The following BICC1 variants were observed in gnomAD, a reference collection of about 807,000 sequenced individuals.
The protein encoded by BICC1 is BicC family RNA binding protein 1.
BICC1 carries 43 observed loss-of-function variants against 111.0 expected under a neutral mutation model. The observed-to-expected ratio is 0.39, with a 90% CI of 0.30 to 0.50. The LOEUF is 0.50. Ranked by LOEUF, BICC1 falls within the 20% of genes least tolerant of loss-of-function variation. The pLI, the probability that BICC1 is intolerant of heterozygous loss-of-function variation, is 0.88. For synonymous variants in BICC1, 467 were observed against 434.4 expected (o/e 1.07, Z -0.93); for missense variants, 1,091 against 1,203.2 (o/e 0.91, Z 1.38).
chr10:58,727,857 C>T (rs886323414), intron 3 of BICC1, among the ~76,000 whole-genome samples: 1 of 152,138 alleles, frequency 6.6e-6, no homozygotes, highest in African/African-American at 2.4e-5. Flanking sequence ...GAGTCACACA[C>T]ATTTTTAGTT....
chr10:58,800,550 G>A (rs559686753), intron 13 of BICC1, among the ~76,000 whole-genome samples: 2 of 152,274 alleles, frequency 1.3e-5, no homozygotes, highest in Admixed American at 1.3e-4. Context: ...CCATTACATT[G>A]TAAGTTCCTG....
At chr10:58,557,432 C>T (rs192924279) in intron 1 of BICC1, among the ~76,000 whole-genome samples, 1 of 151,128 alleles carries the variant, frequency 6.6e-6, no homozygotes, top group Non-Finnish European at 1.5e-5. Flanking sequence ...ATAATTTTAA[C>T]CATTATTTAT....
intron 1 of BICC1, among the ~76,000 whole-genome samples, chr10:58,571,200 C>T (rs1843938749): frequency 6.6e-6 from 1 of 152,160 alleles, no homozygotes; most frequent in Admixed American, 6.5e-5. Flanking sequence ...CAGGGACTTG[C>T]ATAATTTTAT....
chr10:58,637,844 C>T (rs995375201), intron 2 of BICC1, among the ~76,000 whole-genome samples: 1 of 151,988 alleles, frequency 6.6e-6, no homozygotes, highest in Admixed American at 6.6e-5. Context: ...TTGGGACAGG[C>T]ATGGTGGACC....
intron 1 of BICC1, among the ~76,000 whole-genome samples, chr10:58,620,347 TTC>T (rs1280462018): frequency 1.3e-5 from 2 of 152,254 alleles, no homozygotes; most frequent in African/African-American, 4.8e-5. Context: ...ATGTTTTTTT[TTC>T]TCTCTTTGTA....
intron 1 of BICC1, among the ~76,000 whole-genome samples, chr10:58,516,359 G>C (rs1220228896): frequency 6.6e-6 from 1 of 152,110 alleles, no homozygotes; most frequent in Admixed American, 6.5e-5. Flanking sequence ...AATTCAGTGA[G>C]GTTAATATAT....
chr10:58,662,471 G>A (rs1201900987), intron 2 of BICC1, among the ~76,000 whole-genome samples: 13 of 152,158 alleles, frequency 8.5e-5, no homozygotes, highest in Admixed American at 8.5e-4. Flanking sequence ...GAAACCAGAA[G>A]TCAGCTAAGT....
intron 1 of BICC1, among the ~76,000 whole-genome samples, chr10:58,546,936 C>T (rs2131900097): frequency 6.6e-6 from 1 of 152,164 alleles, no homozygotes; most frequent in East Asian, 1.9e-4. Context: ...AAATTGGTAC[C>T]TAGAGACCTA....
chr10:58,785,481 G>A (rs1842985639), intron 4 of BICC1, among the ~76,000 whole-genome samples: 1 of 152,072 alleles, frequency 6.6e-6, no homozygotes, highest in East Asian at 1.9e-4. Flanking sequence ...ATACCAGAAT[G>A]ATCTTCTATA....
chr10:58,742,316 G>A (rs988870159), intron 3 of BICC1, among the ~76,000 whole-genome samples: 5 of 151,832 alleles, frequency 3.3e-5, no homozygotes, highest in African/African-American at 1.2e-4. Context: ...TAGCTCTTAC[G>A]GCATATTTTA....
intron 3 of BICC1, among the ~76,000 whole-genome samples, chr10:58,759,273 A>G (rs1842235912): frequency 6.6e-6 from 1 of 152,078 alleles, no homozygotes; most frequent in Admixed American, 6.5e-5. Flanking sequence ...TCATTAAAAT[A>G]TTTAAGAGAG....
intron 2 of BICC1, among the ~76,000 whole-genome samples, chr10:58,673,020 G>T (rs577731677): frequency 1.3e-5 from 2 of 152,272 alleles, no homozygotes; most frequent in East Asian, 3.9e-4. Flanking sequence ...CACTGTTGCA[G>T]ATGAATGCAA....
intron 2 of BICC1, among the ~76,000 whole-genome samples, chr10:58,701,280 T>C (rs1028285968): frequency 3.1e-4 from 47 of 152,254 alleles, no homozygotes; most frequent in African/African-American, 1.1e-3. Flanking sequence ...GTTAATTCTA[T>C]GTTTGTCTTA....
chr10:58,696,502 A>G (rs1840069832), intron 2 of BICC1, among the ~76,000 whole-genome samples: 1 of 152,204 alleles, frequency 6.6e-6, no homozygotes, highest in Admixed American at 6.5e-5. Context: ...AGTTCCCTAT[A>G]GGAAATGAGC....
intron 1 of BICC1, among the ~76,000 whole-genome samples, chr10:58,558,677 C>G (rs1209511714): frequency 6.6e-6 from 1 of 152,058 alleles, no homozygotes; most frequent in Non-Finnish European, 1.5e-5. Flanking sequence ...TCTTAGTTCA[C>G]AGGTGCTGCT....
chr10:58,680,528 CACAA>C (rs1459391799), intron 2 of BICC1, among the ~76,000 whole-genome samples: 1 of 152,082 alleles, frequency 6.6e-6, no homozygotes, highest in Non-Finnish European at 1.5e-5. Flanking sequence ...TAAGAGAGGA[CACAA>C]ACAAACGGAA....
intron 3 of BICC1, among the ~76,000 whole-genome samples, chr10:58,784,637 T>C (rs1216498960): frequency 6.6e-6 from 1 of 152,146 alleles, no homozygotes; most frequent in Non-Finnish European, 1.5e-5. Flanking sequence ...ACTTCAACCC[T>C]TAGAACAGGG....
intron 2 of BICC1, among the ~76,000 whole-genome samples, chr10:58,625,166 C>T (rs1440343005): frequency 6.6e-6 from 1 of 152,208 alleles, no homozygotes; most frequent in East Asian, 1.9e-4. Flanking sequence ...GCAGCTCTAT[C>T]TAATGGAAAC....
At chr10:58,612,037 T>C (rs1588926866) in intron 1 of BICC1, among the ~76,000 whole-genome samples, 1 of 152,216 alleles carries the variant, frequency 6.6e-6, no homozygotes, top group Non-Finnish European at 1.5e-5. Flanking sequence ...TGAAGACTGG[T>C]AATTAGAGAG....
Sources: gnomAD v4.1 joint callset for allele counts (sites outside exome capture counted in the v4.1 genomes callset) on GRCh38, gnomAD v4.1.1 for gene constraint, MANE v1.5 for transcripts, NCBI Gene and HGNC (gene_info 2026-07-23, HGNC 2026-07-21) for gene names.